CENPP: variants seen among roughly 807,000 people sequenced by gnomAD.
The protein encoded by CENPP is centromere protein P.
In CENPP, 24 loss-of-function variants were observed where a neutral mutation model predicts 35.6. The observed-to-expected ratio is 0.67, with a 90% CI of 0.49 to 0.95. The LOEUF is 0.95. Among genes scored for constraint, CENPP ranks in the 40% least tolerant of loss-of-function variants. The pLI, the probability that CENPP is intolerant of heterozygous loss-of-function variation, is 0.00. For missense variants in CENPP, 332 were observed against 345.3 expected, an observed-to-expected ratio of 0.96 and a Z score of 0.31; for synonymous variants, 120 against 125.5, an observed-to-expected ratio of 0.96 and a Z score of 0.29.
chr9:92,563,768 C>T (rs1041054371), intron 5 of CENPP, among the ~76,000 whole-genome samples: 1 of 140,188 alleles, frequency 7.1e-6, no homozygotes, highest in South Asian at 2.4e-4. Context: ...CCCTCTTCCT[C>T]CCCCCTCCCT....
chr9:92,568,763 T>G (rs1383283648), intron 5 of CENPP, among the ~76,000 whole-genome samples: 1 of 152,228 alleles, frequency 6.6e-6, no homozygotes, highest in Admixed American at 6.5e-5. Context: ...CCTGACTTTT[T>G]AATGATTGCC....
At chr9:92,609,065 A>T (rs1278619409) in intron 5 of CENPP, among the ~76,000 whole-genome samples, 1 of 152,248 alleles carries the variant, frequency 6.6e-6, no homozygotes, top group Non-Finnish European at 1.5e-5. Flanking sequence ...TGCAGTTGTG[A>T]TTAATTTGGA....
At chr9:92,415,848 A>AAT (rs1019567222) in intron 5 of CENPP, among the ~76,000 whole-genome samples, 4 of 146,268 alleles carry the variant, frequency 2.7e-5, no homozygotes, top group South Asian at 2.1e-4. Context: ...TATATAAAAA[A>AAT]ATATATATAT....
chr9:92,490,414 A>G (rs1846149301), intron 5 of CENPP, among the ~76,000 whole-genome samples: 2 of 152,148 alleles, frequency 1.3e-5, no homozygotes, highest in African/African-American at 4.8e-5. Context: ...TACTTTTAAT[A>G]TTTTTGAATT....
chr9:92,471,151 C>A (rs911282410), intron 5 of CENPP, among the ~76,000 whole-genome samples: 6 of 150,668 alleles, frequency 4.0e-5, no homozygotes, highest in African/African-American at 1.5e-4. Context: ...AATTTTCAGG[C>A]TGTTATAGTG....
chr9:92,363,234 T>C lies in CENPP; in HGVS notation c.468-16529T>C, dbSNP rs79549347. On this transcript the variant is annotated intron_variant, in intron 4 of 7. Coordinates refer to ENST00000375587, the MANE Select transcript of CENPP (RefSeq NM_001012267.3). Reference sequence around the variant, plus strand: ...TAGGAAATATGTATTTATACATATATACACACACACACACACACACAAACC... The same window carrying C: ...TAGGAAATATGTATTTATACATATACACACACACACACACACACACAAACC... Among the ~76,000 whole-genome samples the C allele has an allele frequency of 4.2e-4, 63 of 150,968 alleles. No homozygotes were observed. The East Asian group carries it at 4.5e-3, about 11-fold the overall frequency.
At chr9:92,585,471 G>A (rs988646959) in intron 5 of CENPP, among the ~76,000 whole-genome samples, 3 of 152,284 alleles carry the variant, frequency 2.0e-5, no homozygotes, top group East Asian at 1.9e-4. Context: ...TGCTGTGAAC[G>A]TTCATGTGCA....
At position 92,616,209 on chromosome 9, in the gene CENPP, G is replaced by A. The variant is rs1851427776; in HGVS notation, c.*3060G>A. ...AGATAAATCAATCTCTTTTAAAAGA[G>A]AAGTGAATGGCCTCACACCCCAGCT... is the stretch of plus-strand genomic sequence containing the variant. On this transcript the variant is annotated 3_prime_UTR_variant, in exon 8 of 8. Coordinates refer to ENST00000375587, the MANE Select transcript of CENPP (RefSeq NM_001012267.3). 3 of 602,648 alleles carry A rather than the reference G, an allele frequency of 5.0e-6. No individual in the cohort carries two copies. The highest frequency in any genetic ancestry group is 3.0e-5 in the Admixed American group (1 of 33,600). The allele number at this position is 602,648 out of a possible 1,614,324, so 37.3% of individuals were successfully genotyped here. A position where few individuals can be genotyped will look rare whatever the true frequency, so the allele number is the denominator to read the frequency against.
At chr9:92,422,624 C>T (rs937183650) in intron 5 of CENPP, among the ~76,000 whole-genome samples, 1 of 152,194 alleles carries the variant, frequency 6.6e-6, no homozygotes, top group Admixed American at 6.5e-5. Flanking sequence ...TCTTAAACAT[C>T]CTTGTCCTCC....
intron 5 of CENPP, among the ~76,000 whole-genome samples, chr9:92,391,545 G>A (rs1842688442): frequency 6.6e-6 from 1 of 152,176 alleles, no homozygotes; most frequent in Non-Finnish European, 1.5e-5. Context: ...GCTGCAGTGA[G>A]CTGAGATCAC....
At chr9:92,588,350 C>A (rs1449922665) in intron 5 of CENPP, among the ~76,000 whole-genome samples, 3 of 151,694 alleles carry the variant, frequency 2.0e-5, no homozygotes, top group East Asian at 2.0e-4. Context: ...CAGGTTCACA[C>A]CATTCTCCTG....
At chr9:92,590,012 C>T (rs2131374794) in intron 5 of CENPP, among the ~76,000 whole-genome samples, 1 of 152,260 alleles carries the variant, frequency 6.6e-6, no homozygotes, top group African/African-American at 2.4e-5. Flanking sequence ...AAAGAGGTTT[C>T]ATTGTTTCTT....
At chr9:92,435,735 A>T (rs774819117) in intron 5 of CENPP, among the ~76,000 whole-genome samples, 1 of 152,246 alleles carries the variant, frequency 6.6e-6, no homozygotes, top group Non-Finnish European at 1.5e-5. Context: ...TGCTGCATGT[A>T]TCACTGGTTT....
chr9:92,397,721 G>C (rs1192195288), intron 5 of CENPP, among the ~76,000 whole-genome samples: 3 of 152,168 alleles, frequency 2.0e-5, no homozygotes, highest in African/African-American at 7.2e-5. Context: ...TTGCTTCTAG[G>C]CTCTTTCAGC....
rs1564286497 is a variant in CENPP, at chr9:92,379,772, G to C, written c.477G>C (p.Glu159Asp). ...ELSEFVSRAEERKDLFMFFRS... is the reference protein window; with the variant it reads ...ELSEFVSRAEDRKDLFMFFRS... ...TCATTTATTCCTACAGAGCAGAAGA[G>C]AGAAAAGATCTGTTCATGTTTTTCC... The change falls in exon 5 of 8, where the codon GAG becomes GAC. Residue 159 changes from glutamate (E) to aspartate (D), a missense_variant. Glu to Asp is a conservative substitution (Grantham distance 45). Transcript: ENST00000375587. 1 of 1,607,616 alleles carries C rather than the reference G, an allele frequency of 6.2e-7. No individual in the cohort carries two copies. Among genetic ancestry groups the C allele is most frequent in the Non-Finnish European group, 8.5e-7 (1 of 1,174,322 alleles).
Position 92,620,242 on chromosome 9 carries a change from C to G in CENPP, c.*7093C>G. 6.4e-6 allele frequency: 1 copy of G among 155,162 alleles called. No individual in the cohort carries two copies. The highest frequency in any genetic ancestry group is 1.4e-5 in the Non-Finnish European group (1 of 69,606). The allele number at this position is 155,162 out of a possible 1,614,324, so 9.6% of individuals were successfully genotyped here. On this transcript the variant is annotated 3_prime_UTR_variant, in exon 8 of 8. Coordinates refer to ENST00000375587, the MANE Select transcript of CENPP (RefSeq NM_001012267.3). ...CGCTGGCTCTGACATTTACACTCTT[C>G]AACACATGCTCCAAGCTATGTGGGT... is the stretch of plus-strand genomic sequence containing the variant.
Position 92,619,775 on chromosome 9 carries a change from G to A in CENPP, c.*6626G>A, listed in dbSNP as rs1002626528. On this transcript the variant is annotated 3_prime_UTR_variant, in exon 8 of 8. Coordinates refer to ENST00000375587, the MANE Select transcript of CENPP (RefSeq NM_001012267.3). ...GCCCTCAGTGCCACGGGGCTGCTCA[G>A]AGGCCAGCACCGCCCCCTGACCTCT... is the stretch of plus-strand genomic sequence containing the variant. 22 of 585,744 alleles carry A rather than the reference G, an allele frequency of 3.8e-5. No individual in the cohort carries two copies. In the African/African-American group the frequency reaches 3.9e-4, roughly 10 times the overall value. 36.3% of individuals were successfully genotyped at this position (585,744 alleles called of 1,614,324 possible).
chr9:92,380,748 C>T (rs796079596), intron 5 of CENPP, among the ~76,000 whole-genome samples: 5 of 152,154 alleles, frequency 3.3e-5, no homozygotes, highest in African/African-American at 1.2e-4. Flanking sequence ...ATTTCTGCTT[C>T]ACAAGTGTTA....
chr9:92,467,687 A>T (rs1200077087), intron 5 of CENPP, among the ~76,000 whole-genome samples: 11 of 152,218 alleles, frequency 7.2e-5, no homozygotes, highest in Non-Finnish European at 1.6e-4. Context: ...TGGCAGAAAT[A>T]CACATTTTGG....
Sources: allele counts gnomAD v4.1 joint callset (sites outside exome capture counted in the v4.1 genomes callset), GRCh38; gene constraint gnomAD v4.1.1; transcripts MANE v1.5; gene names NCBI Gene and HGNC (gene_info 2026-07-23, HGNC 2026-07-21).